Variants in WNK2 observed in about 807,000 individuals in gnomAD.
WNK2 encodes WNK lysine deficient protein kinase 2.
A neutral mutation model predicts 192.1 loss-of-function variants in WNK2; 67 were observed. The ratio of observed to expected loss-of-function variants is 0.35; its 90% CI spans 0.29 to 0.43. The LOEUF (loss-of-function observed/expected upper bound fraction) is 0.43. Ranked by LOEUF, WNK2 falls within the 20% of genes least tolerant of loss-of-function variation. The pLI, the probability that WNK2 is intolerant of heterozygous loss-of-function variation, is 1.00. For missense variants in WNK2, 2,698 were observed against 3,089.7 expected (o/e 0.87, Z 3.01); for synonymous variants, 1,439 against 1,393.9 (o/e 1.03, Z -0.72).
chr9:93,243,118 A>G lies in WNK2; in HGVS notation c.1542+3142A>G, dbSNP rs914109767. ...GAGGGCCCCAGGATTCTACAAGAGC[A>G]GTGTTGCTGCCTCCACCAGACCTCG... On this transcript the variant is annotated intron_variant, in intron 7 of 29. Coordinates refer to ENST00000427277, the MANE Select transcript of WNK2 (RefSeq NM_006648.4). Among the ~76,000 whole-genome samples, 4 of 152,180 alleles carry G rather than the reference A, an allele frequency of 2.6e-5. No homozygotes were observed. In the East Asian group the frequency reaches 7.7e-4, roughly 29 times the overall value.
chr9:93,209,909 C>G (rs1834181588), intron 2 of WNK2, among the ~76,000 whole-genome samples: 1 of 152,176 alleles, frequency 6.6e-6, no homozygotes, highest in Admixed American at 6.5e-5. Flanking sequence ...TGGTGGGACA[C>G]CCCCAGAGCA....
chr9:93,204,570 A>G (rs1344766353), intron 2 of WNK2, among the ~76,000 whole-genome samples: 1 of 152,204 alleles, frequency 6.6e-6, no homozygotes, highest in Non-Finnish European at 1.5e-5. Context: ...TGCTGCAGGA[A>G]CAAGCTGCTG....
At chr9:93,194,414 C>A (rs1211646698) in intron 2 of WNK2, among the ~76,000 whole-genome samples, 23 of 152,172 alleles carry the variant, frequency 1.5e-4, no homozygotes, top group Admixed American at 1.4e-3. Flanking sequence ...TTAACAGATA[C>A]CTCACCAAGG....
chr9:93,318,091 T>C, intron 29 of WNK2: 2 of 1,593,750 alleles, frequency 1.3e-6, no homozygotes, highest in Non-Finnish European at 8.6e-7. Context: ...GGTTAGAACC[T>C]TGTCGTCACC....
chr9:93,294,979 C>G (rs980953505), intron 23 of WNK2, among the ~76,000 whole-genome samples: 5 of 152,186 alleles, frequency 3.3e-5, no homozygotes, highest in Admixed American at 3.3e-4. Context: ...AGCTCCCCAA[C>G]CTTGCTTTCA....
At chr9:93,302,086 G>C (rs192329939) in intron 26 of WNK2, among the ~76,000 whole-genome samples, 221 of 152,324 alleles carry the variant, frequency 1.5e-3, no homozygotes, top group Middle Eastern at 3.4e-3. Context: ...TGGACTTCTT[G>C]TTGAGCCATC....
At chr9:93,219,332 C>T (rs754238363) in intron 2 of WNK2, among the ~76,000 whole-genome samples, 2 of 152,364 alleles carry the variant, frequency 1.3e-5, no homozygotes, top group Admixed American at 6.5e-5. Context: ...GGGTGATGCC[C>T]GGCTTGAGTC....
intron 21 of WNK2, among the ~76,000 whole-genome samples, chr9:93,291,079 C>T (rs1178191211): frequency 6.6e-6 from 1 of 152,198 alleles, no homozygotes; most frequent in African/African-American, 2.4e-5. Flanking sequence ...GCAGCTGGCT[C>T]TGGGGTCAGA....
At chr9:93,299,355 G>A in intron 25 of WNK2, 94 bp downstream of exon 25, 1 of 1,316,668 alleles carries the variant, frequency 7.6e-7, no homozygotes. Context: ...TAGAGGGGTT[G>A]CAAGCTGTGG....
chr9:93,252,902 C>A lies in WNK2; in HGVS notation c.1854C>A (p.Ser618Arg). 1.3e-6 allele frequency: 2 copies of A among 1,504,626 alleles called. No homozygotes were observed. Among genetic ancestry groups the A allele is most frequent in the South Asian group, 1.3e-5 (1 of 77,436 alleles). The allele number at this position is 1,504,626 out of a possible 1,614,324, so 93.2% of individuals were successfully genotyped here. The change falls in exon 9 of 30, where the codon AGC becomes AGA. Residue 618 changes from serine (S) to arginine (R), a missense_variant. By Grantham distance (110) the Ser-to-Arg change is moderately radical. Transcript: ENST00000427277. ...CCCCAGCGGACAGCACCTTCGACAGCGGCCAGGGCTCTACCGTGTACTCAG... is the reference window on the plus strand; with the variant it reads ...CCCCAGCGGACAGCACCTTCGACAGAGGCCAGGGCTCTACCGTGTACTCAG... ...TSLASDSTFD[S>R]GQGSTVYSDS...
At chr9:93,319,263 C>G in intron 29 of WNK2, 1 of 1,544,486 alleles carries the variant, frequency 6.5e-7, no homozygotes. Flanking sequence ...TCCAAAGCAA[C>G]CAGCCTCCTA....
chr9:93,310,870 G>A (rs1249523837), intron 28 of WNK2, among the ~76,000 whole-genome samples: 1 of 152,208 alleles, frequency 6.6e-6, no homozygotes, highest in African/African-American at 2.4e-5. Flanking sequence ...AGGCTGAGGT[G>A]GGAGGATCGC....
intron 2 of WNK2, among the ~76,000 whole-genome samples, chr9:93,219,567 TG>T (rs1836424105): frequency 6.6e-6 from 1 of 152,208 alleles, no homozygotes; most frequent in Non-Finnish European, 1.5e-5. Context: ...TGCTGGTCCT[TG>T]GGGAGACCCC....
At chr9:93,206,644 G>A (rs1320871233) in intron 2 of WNK2, among the ~76,000 whole-genome samples, 1 of 152,216 alleles carries the variant, frequency 6.6e-6, no homozygotes, top group African/African-American at 2.4e-5. Context: ...GGGCAGACGT[G>A]TGCTTGGCCC....
At position 93,185,115 on chromosome 9, in the gene WNK2, G is replaced by C. The variant is rs1271299696; in HGVS notation, c.186G>C (p.Ala62=). The stretch of plus-strand genomic sequence containing the variant: ...CGCCGGGCTTGGAGGCAGCCGAGGC[G>C]CCGGGCCCGCAGCCCCCGCAGCCCC... ...EEPPGLEAAE[A]PGPQPPQPLQ... The change falls in exon 2 of 30, where the codon GCG becomes GCC. Residue 62 remains alanine, a synonymous_variant. Coordinates refer to ENST00000427277, the MANE Select transcript of WNK2 (RefSeq NM_006648.4). The C allele has an allele frequency of 3.8e-6, 5 of 1,308,838 alleles. No homozygotes were observed. The highest frequency in any genetic ancestry group is 4.9e-6 in the Non-Finnish European group (5 of 1,023,728). The allele number at this position is 1,308,838 out of a possible 1,614,324, so 81.1% of individuals were successfully genotyped here. A position where few individuals can be genotyped will look rare whatever the true frequency, so the allele number is the denominator to read the frequency against.
chr9:93,249,075 G>T (rs1245806755), intron 8 of WNK2, among the ~76,000 whole-genome samples: 1 of 152,142 alleles, frequency 6.6e-6, no homozygotes, highest in Non-Finnish European at 1.5e-5. Context: ...ATTTGCTTTG[G>T]AGAATAAAAT....
rs775237823 is a variant in WNK2, at chr9:93,308,377, C to T, written c.6309C>T (p.Pro2103=). 37 of 1,563,076 alleles carry T rather than the reference C, an allele frequency of 2.4e-5. No homozygotes were observed. Among genetic ancestry groups the T allele is most frequent in the Admixed American group, 9.6e-5 (5 of 52,162 alleles). The part of the protein sequence containing the change: ...LAPGPEPGPQ[P]ALHVQAQVNN... ...CAGGCCCTGAGCCAGGCCCCCAGCC[C>T]GCCCTGCACGTCCAGGCGCAGGTGA... Residue 2103 remains proline (P), a synonymous_variant, in exon 28 of 30, where the codon CCC becomes CCT. Coordinates refer to ENST00000427277, the MANE Select transcript of WNK2 (RefSeq NM_006648.4).
chr9:93,205,924 G>A (rs1459593837), intron 2 of WNK2, among the ~76,000 whole-genome samples: 2 of 152,126 alleles, frequency 1.3e-5, no homozygotes, highest in African/African-American at 2.4e-5. Context: ...ATGGCAAGAG[G>A]AAAATCAGGG....
In WNK2 at chr9:93,221,863, C is replaced by T. The variant is rs865959519; in HGVS notation, c.682-7833C>T. 4.2e-4 allele frequency among the ~76,000 whole-genome samples: 64 copies of T among 152,108 alleles called. 1 individual carries two copies. Among genetic ancestry groups the T allele is most frequent in the African/African-American group, 7.7e-4 (32 of 41,424 alleles). ...TTGGAGCTGGAGACGTGTTTATTCC[C>T]GTGTTTAGAAACAGCTGGTGGAGGG... On this transcript the variant is annotated intron_variant, in intron 2 of 29. Coordinates refer to ENST00000427277, the MANE Select transcript of WNK2 (RefSeq NM_006648.4).
Sources: allele counts gnomAD v4.1 joint callset (sites outside exome capture counted in the v4.1 genomes callset), GRCh38; gene constraint gnomAD v4.1.1; transcripts MANE v1.5; gene names NCBI Gene and HGNC (gene_info 2026-07-23, HGNC 2026-07-21).